Variants in ESPNL observed in about 807,000 individuals in gnomAD.
ESPNL encodes espin like.
A neutral mutation model predicts 46.8 loss-of-function variants in ESPNL; 49 were observed. The observed-to-expected ratio is 1.05, with a 90% confidence interval of 0.83 to 1.33. ESPNL has a LOEUF of 1.33. ESPNL is among the 40% of genes most tolerant of loss of function. The pLI is 0.00. For synonymous variants in ESPNL, 664 were observed against 662.1 expected, an observed-to-expected ratio of 1.00 and a Z score of -0.04; for missense variants, 1,540 against 1,436.6, an observed-to-expected ratio of 1.07 and a Z score of -1.16.
At chr2:238,102,233 G>A in intron 2 of ESPNL, 102 bp downstream of exon 2, 1 of 1,055,522 alleles carries the variant, frequency 9.5e-7, no homozygotes, top group South Asian at 1.7e-5. Context: ...TGGCCTTTGA[G>A]GTGAATCCTG....
chr2:238,126,529 G>A (rs977511187), intron 6 of ESPNL, among the ~76,000 whole-genome samples: 1 of 151,194 alleles, frequency 6.6e-6, no homozygotes, highest in African/African-American at 2.4e-5. Context: ...CTATGCATCT[G>A]TGTGTGATTG....
At chr2:238,115,020 C>T (rs1691785573) in intron 4 of ESPNL, among the ~76,000 whole-genome samples, 1 of 152,218 alleles carries the variant, frequency 6.6e-6, no homozygotes. Context: ...GTGACAAGCC[C>T]TGTGGCTCTG....
In ESPNL at chr2:238,129,195, G is replaced by A. The variant is rs930375721; in HGVS notation, c.1413+291G>A. On this transcript the variant is annotated intron_variant, in intron 8 of 8. Transcript: ENST00000343063. ...AGCGTTGTTCTAGGCCTTCCTGGGCGCAGCGTCTAGCAGGGAAGACGGTGG... is the reference window on the plus strand; with the variant it reads ...AGCGTTGTTCTAGGCCTTCCTGGGCACAGCGTCTAGCAGGGAAGACGGTGG... 185 of 1,327,958 alleles carry A rather than the reference G, an allele frequency of 1.4e-4. 1 individual carries two copies. In the East Asian group the frequency reaches 4.4e-3, roughly 32 times the overall value. The allele number at this position is 1,327,958 out of a possible 1,614,324, so 82.3% of individuals were successfully genotyped here. A position where few individuals can be genotyped will look rare whatever the true frequency, so the allele number is the denominator to read the frequency against.
At chr2:238,105,725 G>A (rs1167518646) in intron 3 of ESPNL, among the ~76,000 whole-genome samples, 4 of 152,134 alleles carry the variant, frequency 2.6e-5, no homozygotes, top group Non-Finnish European at 5.9e-5. Flanking sequence ...GAGGACCGGG[G>A]CTCTTTCCTG....
At chr2:238,106,846 G>A (rs892115075) in intron 3 of ESPNL, among the ~76,000 whole-genome samples, 5 of 152,222 alleles carry the variant, frequency 3.3e-5, no homozygotes, top group South Asian at 4.1e-4. Context: ...CTCCAGATGC[G>A]AAGGAGCCCC....
Position 238,130,492 on chromosome 2 carries a change from G to A in ESPNL, c.1778G>A (p.Cys593Tyr), listed in dbSNP as rs1457191403. 2 of 1,598,230 alleles carry A rather than the reference G, an allele frequency of 1.3e-6. No homozygotes were observed. Among genetic ancestry groups the A allele is most frequent in the South Asian group, 1.1e-5 (1 of 89,124 alleles). ...GGGGTGCAGCCCCTGCCCTTCTGGT[G>A]CAGCCACATCTCCCGCCTGGTACGC... ...APGVQPLPFW[C>Y]SHISRLVRSL... Residue 593 changes from cysteine (C) to tyrosine (Y), a missense_variant, in exon 9 of 9, where the codon TGC becomes TAC. Cys to Tyr is a radical substitution (Grantham distance 194). Transcript: ENST00000343063.
At position 238,104,848 on chromosome 2, in the gene ESPNL, T is replaced by G. The variant is rs200387723; in HGVS notation, c.672+6T>G. On this transcript the variant is annotated splice_donor_region_variant and intron_variant, in intron 3 of 8. Transcript: ENST00000343063. Reference sequence around the variant, plus strand: ...ACTCCCTCGTCGTCTGGCTGGTAAGTGGGTGCCAGAGGTGGGAAGGGGACA... The same window carrying G: ...ACTCCCTCGTCGTCTGGCTGGTAAGGGGGTGCCAGAGGTGGGAAGGGGACA... 294 of 1,486,036 alleles carry G rather than the reference T, an allele frequency of 2.0e-4. 2 individuals are homozygous for G. In the East Asian group the frequency reaches 7.5e-3, roughly 38 times the overall value. 92.1% of individuals were successfully genotyped at this position (1,486,036 alleles called of 1,614,324 possible). A position where few individuals can be genotyped will look rare whatever the true frequency, so the allele number is the denominator to read the frequency against.
intron 6 of ESPNL, among the ~76,000 whole-genome samples, chr2:238,125,696 A>G (rs1692089657): frequency 6.6e-6 from 1 of 152,202 alleles, no homozygotes; most frequent in Admixed American, 6.5e-5. Flanking sequence ...CACACCTCGC[A>G]TGCATGGGCT....
chr2:238,131,272 T>C lies in ESPNL; in HGVS notation c.2558T>C (p.Leu853Pro), dbSNP rs750122323. ...VDGAPVPYSS[L>P]SLDLFMLGYF... is the part of the protein sequence containing the mutation. Reference sequence around the variant, plus strand: ...GGGGCTCCGGTGCCCTACAGCAGCCTCTCACTGGATCTCTTCATGCTGGGT... The same window carrying C: ...GGGGCTCCGGTGCCCTACAGCAGCCCCTCACTGGATCTCTTCATGCTGGGT... The change falls in exon 9 of 9, where the codon CTC (leucine) becomes CCC (proline). Residue 853 changes from leucine to proline, a missense_variant. Transcript: ENST00000343063. 1 of 1,578,590 alleles carries C rather than the reference T, an allele frequency of 6.3e-7. No individual in the cohort carries two copies. Among genetic ancestry groups the C allele is most frequent in the African/African-American group, 1.3e-5 (1 of 74,412 alleles).
rs1692353150 is a variant in ESPNL, at chr2:238,131,989, G to C, written c.*257G>C. 1 of 407,796 alleles carries C rather than the reference G, an allele frequency of 2.5e-6. No homozygotes were observed. Among genetic ancestry groups the C allele is most frequent in the Non-Finnish European group, 4.4e-6 (1 of 229,674 alleles). 25.3% of individuals were successfully genotyped at this position (407,796 alleles called of 1,614,324 possible). On this transcript the variant is annotated 3_prime_UTR_variant, in exon 9 of 9. Transcript: ENST00000343063. ...TGAGGCAATGGGCCACCCCAGTCCA[G>C]GGCACCTCTGCCCAGCCGGCCCCCG...
intron 3 of ESPNL, among the ~76,000 whole-genome samples, chr2:238,106,938 C>A (rs1004119727): frequency 6.6e-6 from 1 of 152,218 alleles, no homozygotes; most frequent in Admixed American, 6.5e-5. Flanking sequence ...CAGTCAGGAG[C>A]GCCCTGGCTG....
At position 238,128,757 on chromosome 2, in the gene ESPNL, A is replaced by G; in HGVS notation, c.1266A>G (p.Leu422=). The stretch of plus-strand genomic sequence containing the variant: ...ACACCTCAGATGGCCTGGCCGCACT[A>G]CAGCTGGATGGGCTGCCCTCAGGCG... ...AGDTSDGLAA[L]QLDGLPSGDI... The change falls in exon 8 of 9, where the codon CTA becomes CTG. Residue 422 remains leucine, a synonymous_variant. Transcript: ENST00000343063. 1 of 1,598,436 alleles carries G rather than the reference A, an allele frequency of 6.3e-7. No homozygotes were observed. Among genetic ancestry groups the G allele is most frequent in the Non-Finnish European group, 8.5e-7 (1 of 1,173,460 alleles).
chr2:238,102,184 G>A (rs1377071568), intron 2 of ESPNL, 53 bp downstream of exon 2: 6 of 1,448,592 alleles, frequency 4.1e-6, no homozygotes, highest in Non-Finnish European at 5.5e-6. Context: ...AGCTGGCCAA[G>A]GGGAGGCTGC....
intron 4 of ESPNL, among the ~76,000 whole-genome samples, chr2:238,111,346 G>A (rs143789712): frequency 1.8e-4 from 28 of 152,290 alleles, no homozygotes; most frequent in African/African-American, 6.7e-4. Flanking sequence ...CACTTCAGCA[G>A]CGCTAAGTCT....
At chr2:238,106,071 G>A (rs1401401113) in intron 3 of ESPNL, among the ~76,000 whole-genome samples, 3 of 152,086 alleles carry the variant, frequency 2.0e-5, no homozygotes, top group Admixed American at 6.5e-5. Flanking sequence ...CCTCCCCACC[G>A]GCGCACCAGC....
chr2:238,112,507 T>C (rs1280286855), intron 4 of ESPNL, among the ~76,000 whole-genome samples: 2 of 152,160 alleles, frequency 1.3e-5, no homozygotes, highest in African/African-American at 4.8e-5. Context: ...CTCCAATGTA[T>C]GTTTGTTTTT....
In ESPNL at chr2:238,131,852, C is replaced by A; in HGVS notation, c.*120C>A. ...CCGGGCAAGGCTGCCTCCAGTCCTACCAGTTATCGGAGGCTGCGGGACTGT... is the reference window on the plus strand; with the variant it reads ...CCGGGCAAGGCTGCCTCCAGTCCTAACAGTTATCGGAGGCTGCGGGACTGT... On this transcript the variant is annotated 3_prime_UTR_variant, in exon 9 of 9. Transcript: ENST00000343063. 1.8e-6 allele frequency: 2 copies of A among 1,118,066 alleles called. No homozygotes were observed. The highest frequency in any genetic ancestry group is 2.6e-6 in the Non-Finnish European group (2 of 775,324). 69.3% of individuals were successfully genotyped at this position (1,118,066 alleles called of 1,614,324 possible). A position where few individuals can be genotyped will look rare whatever the true frequency, so the allele number is the denominator to read the frequency against.
At chr2:238,125,483 G>A (rs570584895) in intron 6 of ESPNL, 99 bp downstream of exon 6, 39 of 580,280 alleles carry the variant, frequency 6.7e-5, no homozygotes, top group African/African-American at 5.7e-4. Flanking sequence ...GCAAGTCTGC[G>A]GGCAGCCGGG....
chr2:238,106,903 C>G (rs1280672939), intron 3 of ESPNL, among the ~76,000 whole-genome samples: 1 of 152,220 alleles, frequency 6.6e-6, no homozygotes, highest in African/African-American at 2.4e-5. Context: ...TGTGCTTTGC[C>G]CAACAGACAC....
Sources: gnomAD v4.1 joint callset for allele counts (sites outside exome capture counted in the v4.1 genomes callset) on GRCh38, gnomAD v4.1.1 for gene constraint, MANE v1.5 for transcripts, NCBI Gene and HGNC (gene_info 2026-07-23, HGNC 2026-07-21) for gene names.